The following AGBL1 variants were observed in gnomAD, a reference collection of about 807,000 sequenced individuals.
The protein encoded by AGBL1 is AGBL carboxypeptidase 1, also known as cytosolic carboxypeptidase 4.
A neutral mutation model predicts 118.9 loss-of-function variants in AGBL1; 130 were observed. That is an observed-to-expected ratio of 1.09 (90% CI 0.95 to 1.26). AGBL1 has a LOEUF of 1.26. AGBL1 is among the 50% of genes most tolerant of loss of function. AGBL1 has a pLI of 0.00. For synonymous variants in AGBL1, 555 were observed against 478.9 expected (o/e 1.16, Z -2.08); for missense variants, 1,584 against 1,298.1 (o/e 1.22, Z -3.38).
At chr15:86,866,317 G>A (rs1307215246) in intron 22 of AGBL1, among the ~76,000 whole-genome samples, 2 of 152,098 alleles carry the variant, frequency 1.3e-5, no homozygotes, top group African/African-American at 4.8e-5. Flanking sequence ...ATTGTTGGTT[G>A]GACTTCAGTT....
At chr15:86,471,364 A>T (rs1317927650) in intron 18 of AGBL1, among the ~76,000 whole-genome samples, 1 of 152,138 alleles carries the variant, frequency 6.6e-6, no homozygotes, top group Admixed American at 6.5e-5. Context: ...TTTGTATATG[A>T]TGAACCATCT....
chr15:86,384,910 T>G (rs1489441022), intron 17 of AGBL1, among the ~76,000 whole-genome samples: 4 of 152,168 alleles, frequency 2.6e-5, no homozygotes, highest in Non-Finnish European at 5.9e-5. Flanking sequence ...GGAAAAAACC[T>G]TATTCTGTTA....
intron 18 of AGBL1, among the ~76,000 whole-genome samples, chr15:86,465,990 A>G (rs1006910887): frequency 1.3e-5 from 2 of 152,198 alleles, no homozygotes; most frequent in Admixed American, 6.5e-5. Flanking sequence ...CTCAGGGGGC[A>G]TCACGGAACC....
chr15:86,636,137 G>C (rs1398974752), intron 21 of AGBL1, among the ~76,000 whole-genome samples: 3 of 152,196 alleles, frequency 2.0e-5, no homozygotes, highest in Admixed American at 2.0e-4. Context: ...TGATGGAGGG[G>C]ACTGGAAAAG....
At chr15:86,835,011 G>A (rs1371006719) in intron 22 of AGBL1, among the ~76,000 whole-genome samples, 1 of 152,130 alleles carries the variant, frequency 6.6e-6, no homozygotes, top group Non-Finnish European at 1.5e-5. Context: ...TTGCTACCAT[G>A]CAGTGAACAG....
At chr15:86,134,159 C>CATTTTTAGTAATTTTTAGTA (rs2076855235) in intron 1 of AGBL1, among the ~76,000 whole-genome samples, 1 of 152,168 alleles carries the variant, frequency 6.6e-6, no homozygotes, top group Non-Finnish European at 1.5e-5. Context: ...GTTATATAAC[C>CATTTTTAGTAATTTTTAGTA]ATTTTTAGTA....
intron 21 of AGBL1, among the ~76,000 whole-genome samples, chr15:86,557,273 T>G (rs1222387237): frequency 6.6e-6 from 1 of 152,140 alleles, no homozygotes; most frequent in African/African-American, 2.4e-5. Context: ...GGGGCTCATT[T>G]TTTTAGAGGC....
chr15:86,347,114 T>G (rs955639143), intron 17 of AGBL1, among the ~76,000 whole-genome samples: 3 of 152,182 alleles, frequency 2.0e-5, no homozygotes, highest in African/African-American at 7.2e-5. Flanking sequence ...GGATGGTAAT[T>G]GATTACTAAT....
chr15:86,941,882 T>A (rs1218409198), intron 23 of AGBL1, among the ~76,000 whole-genome samples: 1 of 152,182 alleles, frequency 6.6e-6, no homozygotes, highest in Non-Finnish European at 1.5e-5. Flanking sequence ...CCAGAATCTC[T>A]CTCCAGTGCC....
intron 19 of AGBL1, among the ~76,000 whole-genome samples, chr15:86,544,410 A>G (rs1281017213): frequency 6.6e-6 from 1 of 152,214 alleles, no homozygotes; most frequent in East Asian, 1.9e-4. Flanking sequence ...TTATTGACCA[A>G]AAGATGCTAC....
At chr15:86,470,947 T>C (rs1159563421) in intron 18 of AGBL1, among the ~76,000 whole-genome samples, 2 of 152,188 alleles carry the variant, frequency 1.3e-5, no homozygotes, top group Non-Finnish European at 2.9e-5. Flanking sequence ...ATTTTCTATA[T>C]CTAAAATTAT....
At chr15:86,932,389 C>A (rs1326606838) in intron 23 of AGBL1, among the ~76,000 whole-genome samples, 1 of 152,180 alleles carries the variant, frequency 6.6e-6, no homozygotes, top group Admixed American at 6.5e-5. Flanking sequence ...TTAATGCCAG[C>A]AGTTCAGATC....
chr15:86,633,922 A>C (rs182272912), intron 21 of AGBL1, among the ~76,000 whole-genome samples: 2 of 148,782 alleles, frequency 1.3e-5, no homozygotes, highest in African/African-American at 4.9e-5. Context: ...TTTATAAATA[A>C]TCCACCACAC....
intron 24 of AGBL1, among the ~76,000 whole-genome samples, chr15:87,022,254 G>C (rs1396662800): frequency 6.6e-6 from 1 of 151,900 alleles, no homozygotes; most frequent in African/African-American, 2.4e-5. Flanking sequence ...GACAAAACAA[G>C]GTTATTTAAC....
At chr15:86,677,277 C>A (rs1000375986) in intron 22 of AGBL1, among the ~76,000 whole-genome samples, 1 of 152,160 alleles carries the variant, frequency 6.6e-6, no homozygotes, top group Non-Finnish European at 1.5e-5. Flanking sequence ...TGGTGGCTGA[C>A]GCTGAAAATG....
intron 22 of AGBL1, among the ~76,000 whole-genome samples, chr15:86,757,820 G>A (rs910504209): frequency 9.9e-5 from 15 of 152,008 alleles, no homozygotes; most frequent in East Asian, 3.9e-4. Flanking sequence ...TGCTCCTGCC[G>A]TGGCTGGCTC....
chr15:86,130,848 A>T (rs2141608515), intron 1 of AGBL1, among the ~76,000 whole-genome samples: 1 of 152,262 alleles, frequency 6.6e-6, no homozygotes, highest in Non-Finnish European at 1.5e-5. Context: ...AGGCATTTGG[A>T]AATAAGTCAT....
intron 23 of AGBL1, among the ~76,000 whole-genome samples, chr15:86,943,879 G>T (rs1302161161): frequency 6.6e-6 from 1 of 152,126 alleles, no homozygotes; most frequent in Non-Finnish European, 1.5e-5. Context: ...TCTAGCTCCT[G>T]TATCACCAGC....
chr15:86,134,475 G>A (rs1192715171), intron 1 of AGBL1, among the ~76,000 whole-genome samples: 1 of 152,116 alleles, frequency 6.6e-6, no homozygotes, highest in Non-Finnish European at 1.5e-5. Context: ...ACTACTCAAA[G>A]TGCGAGGGGA....
Sources: gnomAD v4.1 joint callset for allele counts (sites outside exome capture counted in the v4.1 genomes callset) on GRCh38, gnomAD v4.1.1 for gene constraint, MANE v1.5 for transcripts, NCBI Gene and HGNC (gene_info 2026-07-23, HGNC 2026-07-21) for gene names.